Variants in MINDY4B observed in about 807,000 individuals in gnomAD.
The protein encoded by MINDY4B is MINDY family member 4B, also known as inactive ubiquitin carboxyl-terminal hydrolase MINDY-4B.
Under a neutral mutation model 16.7 loss-of-function variants are expected in MINDY4B, and 25 were observed. That is an observed-to-expected ratio of 1.49 (90% CI 1.09 to 2.09). The LOEUF (loss-of-function observed/expected upper bound fraction) is 2.09. Among genes scored for constraint, MINDY4B ranks in the 30% most tolerant of loss-of-function variants. MINDY4B has a pLI of 0.00. For synonymous variants in MINDY4B, 132 were observed against 61.9 expected (o/e 2.13, Z -5.32); for missense variants, 327 against 168.4 (o/e 1.94, Z -5.21).
rs377648593 is a variant in MINDY4B at position 150,884,196 on chromosome 3, C to A, written c.825-424G>T. Among the ~76,000 whole-genome samples, 8 of 152,306 alleles carry A rather than the reference C, an allele frequency of 5.3e-5. 1 individual carries two copies. Among genetic ancestry groups the A allele is most frequent in the East Asian group, 1.9e-4 (1 of 5,186 alleles). On this transcript the variant is annotated intron_variant, in intron 8 of 11. Transcript: ENST00000465419. ...CGGTTGTGGCCATTTCTTGGCTGAG[C>A]CCGTTTCTTGGCTGCAGAAGGGCAG...
chr3:150,874,249 CA>C (rs1161386530), intron 10 of MINDY4B, among the ~76,000 whole-genome samples: 1 of 152,122 alleles, frequency 6.6e-6, no homozygotes, highest in East Asian at 1.9e-4. Flanking sequence ...CTCCTGAACA[CA>C]AGCAATCTAC....
chr3:150,893,701 G>T (rs55817715), intron 4 of MINDY4B, among the ~76,000 whole-genome samples: 4,565 of 91,598 alleles, frequency 0.05, 188 homozygotes, highest in African/African-American at 0.073. Context: ...TTTTTTGGGG[G>T]GGGGGGTGGG....
intron 3 of MINDY4B, among the ~76,000 whole-genome samples, chr3:150,902,286 A>G (rs749700691): frequency 3.3e-5 from 5 of 152,214 alleles, no homozygotes; most frequent in South Asian, 2.1e-4. Context: ...GTCCTCAGGA[A>G]GAAGGTCCCT....
Position 150,882,949 on chromosome 3 carries a change from A to T in MINDY4B, c.1007T>A (p.Val336Asp). The T allele has an allele frequency of 1.4e-6, 1 of 702,900 alleles. No homozygotes were observed. The highest frequency in any genetic ancestry group is 2.6e-6 in the Non-Finnish European group (1 of 384,776). The allele number at this position is 702,900 out of a possible 1,614,324, so 43.5% of individuals were successfully genotyped here. Residue 336 changes from valine (V) to aspartate (D), a missense_variant, in exon 10 of 12, where the codon GTT (valine) becomes GAT (aspartate). Coordinates refer to ENST00000465419, the MANE Select transcript of MINDY4B (RefSeq NM_001351281.2). ...TLHGVLTRSDVGYLQWGKDAS... is the reference protein window; with the variant it reads ...TLHGVLTRSDDGYLQWGKDAS... Reference sequence around the variant, plus strand: ...ATCCTTACCCCACTGCAAATAGCCAACATCACTGCGGGTCAGGACTCCATG... The same window carrying T: ...ATCCTTACCCCACTGCAAATAGCCATCATCACTGCGGGTCAGGACTCCATG...
rs145783945 is a variant in MINDY4B, at chr3:150,904,705, G to A, written c.141+357C>T. ...GATTTTTCACAAGCTGAATAAAGAC[G>A]ATAACTATTTTCAAAACTGCTTTTC... On this transcript the variant is annotated intron_variant, in intron 2 of 11. Coordinates refer to ENST00000465419, the MANE Select transcript of MINDY4B (RefSeq NM_001351281.2). 1.2e-3 allele frequency among the ~76,000 whole-genome samples: 178 copies of A among 152,270 alleles called. 1 individual carries two copies. The Middle Eastern group carries it at 0.017, about 15-fold the overall frequency.
At chr3:150,892,327 C>T (rs1021733429) in intron 5 of MINDY4B, among the ~76,000 whole-genome samples, 8 of 152,230 alleles carry the variant, frequency 5.3e-5, no homozygotes, top group South Asian at 2.1e-4. Flanking sequence ...CTTCCCTGTC[C>T]TGCTTCCCTC....
intron 10 of MINDY4B, among the ~76,000 whole-genome samples, chr3:150,873,576 A>G (rs1218972130): frequency 2.6e-5 from 4 of 152,236 alleles, no homozygotes; most frequent in African/African-American, 9.6e-5. Flanking sequence ...TGGTGCTGCC[A>G]TTTTTATCTT....
At chr3:150,892,526 T>C (rs891824472) in intron 5 of MINDY4B, among the ~76,000 whole-genome samples, 1 of 152,242 alleles carries the variant, frequency 6.6e-6, no homozygotes, top group South Asian at 2.1e-4. Flanking sequence ...TCCTCTAATA[T>C]TTAGCACAGG....
intron 10 of MINDY4B, among the ~76,000 whole-genome samples, chr3:150,881,104 G>A (rs149369138): frequency 1.7e-4 from 26 of 152,270 alleles, no homozygotes; most frequent in African/African-American, 6.0e-4. Context: ...ATAATGAGAG[G>A]CCAGGCAGTG....
intron 4 of MINDY4B, 56 bp downstream of exon 4, chr3:150,894,130 A>G: frequency 1.6e-6 from 1 of 634,066 alleles, no homozygotes; most frequent in Non-Finnish European, 2.8e-6. Flanking sequence ...CAGGAAGGAT[A>G]TATGGATAAG....
At chr3:150,897,368 T>TGTGTGTG (rs1712003780) in intron 3 of MINDY4B, among the ~76,000 whole-genome samples, 1 of 116,194 alleles carries the variant, frequency 8.6e-6, no homozygotes, top group African/African-American at 3.1e-5. Flanking sequence ...TGTGTGTGTG[T>TGTGTGTG]AGGCCAAGGG....
At chr3:150,888,073 C>T (rs1168309860) in intron 7 of MINDY4B, among the ~76,000 whole-genome samples, 1 of 152,134 alleles carries the variant, frequency 6.6e-6, no homozygotes, top group Non-Finnish European at 1.5e-5. Flanking sequence ...CACCACTGTA[C>T]TCCAGCCCGG....
At chr3:150,894,441 C>G in intron 3 of MINDY4B, 136 bp from the exon 4 acceptor site, 1 of 542,156 alleles carries the variant, frequency 1.8e-6, no homozygotes, top group Non-Finnish European at 3.3e-6. Flanking sequence ...ACTCTAGTCC[C>G]TGATTTTAAT....
chr3:150,891,225 G>T, intron 5 of MINDY4B, 122 bp from the exon 6 acceptor site: 1 of 612,728 alleles, frequency 1.6e-6, no homozygotes, highest in Non-Finnish European at 3.0e-6. Flanking sequence ...TTTACACCCA[G>T]CTCACCTGGC....
chr3:150,879,375 G>T (rs930700570), intron 10 of MINDY4B, among the ~76,000 whole-genome samples: 1 of 152,104 alleles, frequency 6.6e-6, no homozygotes, highest in African/African-American at 2.4e-5. Context: ...CAGAGGCCAG[G>T]AATGCTGCTC....
At position 150,877,459 on chromosome 3, in the gene MINDY4B, A is replaced by G. The variant is rs537202657; in HGVS notation, c.1060-4092T>C. The stretch of plus-strand genomic sequence containing the variant: ...TAGAGCACTGTCCCAGAAGCACATC[A>G]TGTTCTTTCTTGAGTAAACTTCTGT... On this transcript the variant is annotated intron_variant, in intron 10 of 11. Transcript: ENST00000465419. Among the ~76,000 whole-genome samples, 5 of 152,240 alleles carry G rather than the reference A, an allele frequency of 3.3e-5. No homozygotes were observed. In the South Asian group the frequency reaches 8.3e-4, roughly 25 times the overall value.
At chr3:150,897,925 C>T (rs1244577987) in intron 3 of MINDY4B, among the ~76,000 whole-genome samples, 1 of 152,216 alleles carries the variant, frequency 6.6e-6, no homozygotes, top group Non-Finnish European at 1.5e-5. Flanking sequence ...GAAAATGTTT[C>T]CCTGACATTG....
At chr3:150,883,865 C>T in intron 8 of MINDY4B, 93 bp from the exon 9 acceptor site, 1 of 679,538 alleles carries the variant, frequency 1.5e-6, no homozygotes. Flanking sequence ...GCAGCAGTAA[C>T]ACGGGCTCTC....
At position 150,891,025 on chromosome 3, in the gene MINDY4B, T is replaced by C. The variant is rs1397543271; in HGVS notation, c.600A>G (p.Ala200=). 2 of 702,762 alleles carry C rather than the reference T, an allele frequency of 2.8e-6. No homozygotes were observed. Among genetic ancestry groups the C allele is most frequent in the Non-Finnish European group, 5.2e-6 (2 of 384,850 alleles). The allele number at this position is 702,762 out of a possible 1,614,324, so 43.5% of individuals were successfully genotyped here. A position where few individuals can be genotyped will look rare whatever the true frequency, so the allele number is the denominator to read the frequency against. ...ALAGILWAAG[A]AQKATICLVT... is the part of the protein sequence containing the mutation. The stretch of plus-strand genomic sequence containing the variant: ...CAAGACAGATGGTGGCCTTCTGAGC[T>C]GCTCCTGCAGCCCACAGGATGCCAG... Residue 200 remains alanine (A), a synonymous_variant, in exon 6 of 12, where the codon GCA becomes GCG. Transcript: ENST00000465419.
Sources: gnomAD v4.1 joint callset for allele counts (sites outside exome capture counted in the v4.1 genomes callset) on GRCh38, gnomAD v4.1.1 for gene constraint, MANE v1.5 for transcripts, NCBI Gene and HGNC (gene_info 2026-07-23, HGNC 2026-07-21) for gene names.